TNNI3K: variants seen among roughly 807,000 people sequenced by gnomAD.
TNNI3K encodes the protein TNNI3 interacting kinase, also known as serine/threonine-protein kinase TNNI3K.
A neutral mutation model predicts 114.5 loss-of-function variants in TNNI3K; 140 were observed. The observed-to-expected ratio is 1.22, with a 90% CI of 1.07 to 1.41. The LOEUF (loss-of-function observed/expected upper bound fraction) is 1.41, where lower values mean the gene tolerates loss of function less well. Ranked by LOEUF, TNNI3K falls within the 40% of genes most tolerant of loss-of-function variation. The pLI, the probability that TNNI3K is intolerant of heterozygous loss-of-function variation, is 0.00. For missense variants in TNNI3K, 1,125 were observed against 1,007.6 expected, an observed-to-expected ratio of 1.12 and a Z score of -1.58; for synonymous variants, 347 against 347.5, an observed-to-expected ratio of 1.00 and a Z score of 0.02.
At chr1:74,375,412 C>T (rs1662856568) in intron 17 of TNNI3K, 1 of 338,190 alleles carries the variant, frequency 3.0e-6, no homozygotes, top group South Asian at 2.2e-5. Flanking sequence ...GACTACACTA[C>T]CTTCATAGGA....
At chr1:74,317,488 A>G (rs555315617) in intron 5 of TNNI3K, among the ~76,000 whole-genome samples, 1 of 152,290 alleles carries the variant, frequency 6.6e-6, no homozygotes, top group South Asian at 2.1e-4. Context: ...GAGGAAATCT[A>G]GGTGTAAGGA....
intron 11 of TNNI3K, among the ~76,000 whole-genome samples, chr1:74,364,178 AT>A (rs894462328): frequency 1.7e-4 from 26 of 150,922 alleles, no homozygotes; most frequent in African/African-American, 4.6e-4. Flanking sequence ...TTAAAAAAAA[AT>A]TTTTTTTAGA....
rs1323989877 is a variant in TNNI3K at position 74,540,316 on chromosome 1, A to T, written c.2431+3A>T. 2 of 1,610,644 alleles carry T rather than the reference A, an allele frequency of 1.2e-6. No individual in the cohort carries two copies. Among genetic ancestry groups the T allele is most frequent in the Non-Finnish European group, 1.7e-6 (2 of 1,178,192 alleles). ...ATACACACCCATTGACAAATATGGT[A>T]AGTAGGCAGATTCTTTAGGTTTGTT... On this transcript the variant is annotated splice_donor_region_variant and intron_variant, in intron 24 of 24. Coordinates refer to ENST00000326637, the MANE Select transcript of TNNI3K (RefSeq NM_015978.3).
Position 74,463,249 on chromosome 1 carries a change from G to C in TNNI3K, c.2012-192G>C, listed in dbSNP as rs45617034. Among the ~76,000 whole-genome samples, 1,359 of 152,240 alleles carry C rather than the reference G, an allele frequency of 8.9e-3. 23 individuals are homozygous for C. The highest frequency in any genetic ancestry group is 0.031 in the African/African-American group (1,282 of 41,528). On this transcript the variant is annotated intron_variant, in intron 20 of 24. Transcript: ENST00000326637. ...TTGAGTCTGAAACCAAATGAATAAA[G>C]ATAAGTTTGTAGTATCAAATTATCC...
intron 11 of TNNI3K, 46 bp downstream of exon 11, chr1:74,354,175 G>A (rs556639323): frequency 2.5e-6 from 4 of 1,609,512 alleles, no homozygotes; most frequent in East Asian, 2.2e-5. Context: ...ATTGAACTGT[G>A]TGCATAGATT....
At chr1:74,319,393 C>T (rs1659486962) in intron 5 of TNNI3K, among the ~76,000 whole-genome samples, 1 of 152,142 alleles carries the variant, frequency 6.6e-6, no homozygotes. Flanking sequence ...AGAAATAAGT[C>T]ATTAATTATG....
intron 5 of TNNI3K, among the ~76,000 whole-genome samples, chr1:74,298,748 A>G (rs952780218): frequency 3.3e-5 from 5 of 152,096 alleles, no homozygotes; most frequent in African/African-American, 1.2e-4. Flanking sequence ...ACGGAATAAT[A>G]TTGTGAGGAT....
chr1:74,353,985 C>T lies in TNNI3K; in HGVS notation c.1033C>T (p.His345Tyr). 2.5e-6 allele frequency: 4 copies of T among 1,613,084 alleles called. No homozygotes were observed. Among genetic ancestry groups the T allele is most frequent in the South Asian group, 1.1e-5 (1 of 90,812 alleles). ...TCAATTCTTTTCTATTACAGGATTA[C>T]ACTCTGCTTGCTACCACGGTCACAT... is the stretch of plus-strand genomic sequence containing the variant. ...HQGRDGHTGL[H>Y]SACYHGHIRL... is the part of the protein sequence containing the mutation. Residue 345 changes from histidine to tyrosine, a missense_variant, in exon 11 of 25, where the codon CAC (histidine) becomes TAC (tyrosine). His to Tyr is a moderately conservative substitution (Grantham distance 83, BLOSUM62 2). Coordinates refer to ENST00000326637, the MANE Select transcript of TNNI3K (RefSeq NM_015978.3).
chr1:74,456,429 G>A (rs190937703), intron 20 of TNNI3K, among the ~76,000 whole-genome samples: 285 of 152,254 alleles, frequency 1.9e-3, no homozygotes, highest in African/African-American at 6.6e-3. Flanking sequence ...GCAAATAAGA[G>A]CTGTCCTCAA....
intron 17 of TNNI3K, among the ~76,000 whole-genome samples, chr1:74,435,183 T>A (rs941702362): frequency 6.6e-6 from 1 of 152,112 alleles, no homozygotes; most frequent in East Asian, 1.9e-4. Context: ...TGCATGTCTG[T>A]AAAATAGTCC....
intron 17 of TNNI3K, among the ~76,000 whole-genome samples, chr1:74,393,199 A>C (rs941348740): frequency 6.6e-6 from 1 of 152,148 alleles, no homozygotes; most frequent in Non-Finnish European, 1.5e-5. Context: ...ATGCTATCTC[A>C]GATCATTAAA....
At chr1:74,307,260 A>G (rs1214894475) in intron 5 of TNNI3K, among the ~76,000 whole-genome samples, 4 of 152,200 alleles carry the variant, frequency 2.6e-5, no homozygotes, top group Admixed American at 6.5e-5. Flanking sequence ...TATGACAGGA[A>G]CAAAGTCTTA....
At chr1:74,448,302 TAC>T (rs1163646551) in intron 20 of TNNI3K, among the ~76,000 whole-genome samples, 1 of 147,432 alleles carries the variant, frequency 6.8e-6, no homozygotes, top group Non-Finnish European at 1.5e-5. Context: ...GTGATTTTTG[TAC>T]ATTGATTTTG....
At chr1:74,483,737 G>A (rs17095421) in intron 21 of TNNI3K, among the ~76,000 whole-genome samples, 11,400 of 152,176 alleles carry the variant, frequency 0.075, 1,006 homozygotes, top group African/African-American at 0.22. Context: ...AGCTCAGGAT[G>A]GTTAGCAAAC....
At chr1:74,294,371 A>G (rs1486470068) in intron 5 of TNNI3K, among the ~76,000 whole-genome samples, 1 of 151,992 alleles carries the variant, frequency 6.6e-6, no homozygotes. Flanking sequence ...CTTTCTGGAA[A>G]TGTGTTCAAA....
rs74422379 is a variant in TNNI3K at position 74,458,167 on chromosome 1, C to T, written c.2012-5274C>T. ...ATACTATCTCAGTTAGTCCTACTAA[C>T]CTGTGGGTTAAGTTCTTTTAGGATA... On this transcript the variant is annotated intron_variant, in intron 20 of 24. Transcript: ENST00000326637. 6.6e-3 allele frequency among the ~76,000 whole-genome samples: 1,002 copies of T among 152,176 alleles called. 6 individuals are homozygous for T. Among genetic ancestry groups the T allele is most frequent in the African/African-American group, 0.017 (718 of 41,534 alleles).
At chr1:74,465,945 C>G (rs1667659980) in intron 21 of TNNI3K, among the ~76,000 whole-genome samples, 1 of 152,192 alleles carries the variant, frequency 6.6e-6, no homozygotes, top group Non-Finnish European at 1.5e-5. Context: ...GTAAGCCACT[C>G]TGGTCATCTT....
chr1:74,503,132 C>G (rs561480529), intron 23 of TNNI3K, among the ~76,000 whole-genome samples: 81 of 152,200 alleles, frequency 5.3e-4, no homozygotes, highest in Non-Finnish European at 1.1e-3. Context: ...AAAAAAACAA[C>G]AACAATCTTT....
intron 5 of TNNI3K, among the ~76,000 whole-genome samples, chr1:74,284,074 C>A (rs966522124): frequency 2.6e-5 from 4 of 152,028 alleles, no homozygotes; most frequent in Admixed American, 1.3e-4. Flanking sequence ...ACGGGAAATT[C>A]TTCTTCTTCT....
Sources: gnomAD v4.1 joint callset for allele counts (sites outside exome capture counted in the v4.1 genomes callset) on GRCh38, gnomAD v4.1.1 for gene constraint, MANE v1.5 for transcripts, NCBI Gene and HGNC (gene_info 2026-07-23, HGNC 2026-07-21) for gene names.